CD247: variants seen among roughly 807,000 people sequenced by gnomAD.
CD247 encodes the protein T-cell surface glycoprotein CD3 zeta chain.
CD247 carries 13 observed loss-of-function variants against 30.0 expected under a neutral mutation model. The observed-to-expected ratio is 0.43, with a 90% CI of 0.28 to 0.69. CD247 has a LOEUF of 0.69. Ranked by LOEUF, CD247 falls within the 30% of genes least tolerant of loss-of-function variation. CD247 has a pLI of 0.16. For synonymous variants in CD247, 72 were observed against 80.0 expected, an observed-to-expected ratio of 0.90 and a Z score of 0.53; for missense variants, 193 against 212.6, an observed-to-expected ratio of 0.91 and a Z score of 0.57.
At position 167,510,608 on chromosome 1, in the gene CD247, C is replaced by T. The variant is rs77122148; in HGVS notation, c.58+7800G>A. 8.6e-3 allele frequency among the ~76,000 whole-genome samples: 1,304 copies of T among 152,338 alleles called. 9 individuals are homozygous for T. The highest frequency in any genetic ancestry group is 0.013 in the Non-Finnish European group (885 of 68,032). On this transcript the variant is annotated intron_variant, in intron 1 of 7. Coordinates refer to ENST00000362089, the MANE Select transcript of CD247 (RefSeq NM_198053.3). ...CTCTTTCCCCTATCATACTTCTCTC[C>T]CATCATGCCCAGCCCAGATGATGAA...
intron 1 of CD247, among the ~76,000 whole-genome samples, chr1:167,489,340 T>C (rs1042589633): frequency 1.3e-5 from 2 of 152,194 alleles, no homozygotes; most frequent in African/African-American, 4.8e-5. Flanking sequence ...GATGAAATGT[T>C]ATTGAGGGCT....
At chr1:167,485,248 A>G (rs1034992901) in intron 1 of CD247, among the ~76,000 whole-genome samples, 3 of 152,206 alleles carry the variant, frequency 2.0e-5, no homozygotes, top group Admixed American at 6.5e-5. Flanking sequence ...GAGAGCAGCC[A>G]ACTCAGCCCA....
intron 1 of CD247, among the ~76,000 whole-genome samples, chr1:167,453,012 T>TGC (rs1448549228): frequency 2.0e-4 from 27 of 135,718 alleles, no homozygotes; most frequent in Non-Finnish European, 3.9e-4. Context: ...TGTGTGTGCA[T>TGC]ATATATATAT....
intron 1 of CD247, among the ~76,000 whole-genome samples, chr1:167,451,188 T>G (rs2056626): frequency 0.3 from 45,308 of 151,910 alleles, 7,954 homozygotes; most frequent in Middle Eastern, 0.44. Flanking sequence ...GCGACAAGCG[T>G]GTGGGGTTGT....
At chr1:167,491,429 A>T (rs560177965) in intron 1 of CD247, among the ~76,000 whole-genome samples, 25 of 152,254 alleles carry the variant, frequency 1.6e-4, no homozygotes, top group African/African-American at 5.8e-4. Context: ...TTAGCCGGAC[A>T]TGGTGGCCCA....
intron 1 of CD247, among the ~76,000 whole-genome samples, chr1:167,505,602 C>T (rs1655082139): frequency 6.6e-6 from 1 of 152,234 alleles, no homozygotes. Context: ...AGCCTGTTGC[C>T]CAGCAGGTAG....
intron 1 of CD247, among the ~76,000 whole-genome samples, chr1:167,503,773 C>A (rs1010756632): frequency 5.3e-5 from 8 of 152,030 alleles, no homozygotes; most frequent in African/African-American, 1.9e-4. Context: ...AACCATGGGG[C>A]CAGGTGAGGA....
intron 6 of CD247, 85 bp from the exon 7 acceptor site, chr1:167,433,144 G>A (rs1651359633): frequency 7.2e-7 from 1 of 1,396,532 alleles, no homozygotes; most frequent in Non-Finnish European, 1.0e-6. Context: ...CCCTCCCAAG[G>A]TACCCAGGAA....
chr1:167,500,178 G>T (rs1654847133), intron 1 of CD247, among the ~76,000 whole-genome samples: 1 of 152,164 alleles, frequency 6.6e-6, no homozygotes, highest in African/African-American at 2.4e-5. Context: ...TTGCTTCCAA[G>T]AGGACAATAT....
rs141559762 is a variant in CD247, at chr1:167,460,908, C to T, written c.59-20141G>A. ...TTGCAAGTTTCCTATTCAGGCCATG[C>T]TGTCCAGGCAGCCAGAATGAAGCCC... On this transcript the variant is annotated intron_variant, in intron 1 of 7. Coordinates refer to ENST00000362089, the MANE Select transcript of CD247 (RefSeq NM_198053.3). Among the ~76,000 whole-genome samples, 864 of 152,354 alleles carry T rather than the reference C, an allele frequency of 5.7e-3. 3 individuals carry two copies. The highest frequency in any genetic ancestry group is 0.012 in the South Asian group (56 of 4,834).
chr1:167,432,102 CAGG>C (rs1019801584), intron 7 of CD247, among the ~76,000 whole-genome samples: 9 of 110,848 alleles, frequency 8.1e-5, no homozygotes, highest in Non-Finnish European at 1.6e-4. Context: ...GGGCAGGAAT[CAGG>C]GGGGAGGGCC....
intron 7 of CD247, 116 bp downstream of exon 7, chr1:167,432,908 G>T: frequency 8.8e-7 from 1 of 1,131,228 alleles, no homozygotes; most frequent in Non-Finnish European, 1.3e-6. Flanking sequence ...CCTTGGGCTT[G>T]CCCTGCCCAG....
intron 1 of CD247, among the ~76,000 whole-genome samples, chr1:167,447,884 A>G (rs1399524505): frequency 6.7e-6 from 1 of 149,980 alleles, no homozygotes; most frequent in Non-Finnish European, 1.5e-5. Flanking sequence ...AGGCTCAGGC[A>G]CAACTGGTGA....
chr1:167,508,527 C>A (rs1457626689), intron 1 of CD247, among the ~76,000 whole-genome samples: 2 of 152,188 alleles, frequency 1.3e-5, no homozygotes, highest in Non-Finnish European at 2.9e-5. Context: ...GTAGCTCAAT[C>A]TTTATTGTTC....
chr1:167,442,839 A>G (rs1651902823), intron 1 of CD247, among the ~76,000 whole-genome samples: 1 of 152,040 alleles, frequency 6.6e-6, no homozygotes, highest in Non-Finnish European at 1.5e-5. Flanking sequence ...CCCTGCCCAG[A>G]GACCATTGAT....
At chr1:167,447,306 A>G (rs554250141) in intron 1 of CD247, among the ~76,000 whole-genome samples, 8 of 152,228 alleles carry the variant, frequency 5.3e-5, no homozygotes, top group African/African-American at 1.7e-4. Context: ...AATCTACCTT[A>G]TCCCAGTGCC....
At chr1:167,447,831 C>G (rs2102005763) in intron 1 of CD247, among the ~76,000 whole-genome samples, 1 of 152,246 alleles carries the variant, frequency 6.6e-6, no homozygotes, top group South Asian at 2.1e-4. Context: ...CTTTGAGTCC[C>G]CAACTTTGAG....
Position 167,431,684 on chromosome 1 carries a change from G to A in CD247, c.492C>T (p.Arg164=), listed in dbSNP as rs1175616301. 1 of 1,613,876 alleles carries A rather than the reference G, an allele frequency of 6.2e-7. No homozygotes were observed. Among genetic ancestry groups the A allele is most frequent in the Non-Finnish European group, 8.5e-7 (1 of 1,179,712 alleles). Residue 164 remains arginine (R), a synonymous_variant, in exon 8 of 8, where the codon CGC becomes CGT. Coordinates refer to ENST00000362089, the MANE Select transcript of CD247 (RefSeq NM_198053.3). ...GAGTGGTGAAATCCCCTGGCTGTTA[G>A]CGAGGGGGCAGGGCCTGCATGTGAA... is the stretch of plus-strand genomic sequence containing the variant. ...DALHMQALPP[R]
rs1558019093 is a variant in CD247, at chr1:167,482,296, C to A, written c.58+36112G>T. Among the ~76,000 whole-genome samples the A allele has an allele frequency of 2.0e-5, 3 of 152,316 alleles. No homozygotes were observed. In the East Asian group the frequency reaches 5.8e-4, roughly 29 times the overall value. ...CCTAAAGCTACCAGGCCCATAAATTCCCCCCTGGTGCTCACAAGACTCTGA... is the reference window on the plus strand; with the variant it reads ...CCTAAAGCTACCAGGCCCATAAATTACCCCCTGGTGCTCACAAGACTCTGA... On this transcript the variant is annotated intron_variant, in intron 1 of 7. Transcript: ENST00000362089.
Sources: allele counts gnomAD v4.1 joint callset (sites outside exome capture counted in the v4.1 genomes callset), GRCh38; gene constraint gnomAD v4.1.1; transcripts MANE v1.5; gene names NCBI Gene and HGNC (gene_info 2026-07-23, HGNC 2026-07-21).